CADM2: variants seen among roughly 807,000 people sequenced by gnomAD.
CADM2 encodes immunoglobulin superfamily member 4D.
CADM2 carries 12 observed loss-of-function variants against 49.8 expected under a neutral mutation model. The observed-to-expected ratio is 0.24, with a 90% CI of 0.15 to 0.39. The LOEUF is 0.39. CADM2 is among the 10% of genes least tolerant of loss of function. The probability of loss-of-function intolerance (pLI) is 1.00; values close to 1 mark genes in which losing one functional copy is unlikely to be tolerated. For missense variants in CADM2, 378 were observed against 492.3 expected (o/e 0.77, Z 2.20); for synonymous variants, 214 against 175.4 (o/e 1.22, Z -1.74).
intron 8 of CADM2, among the ~76,000 whole-genome samples, chr3:85,966,498 C>T (rs78926293): frequency 0.013 from 2,037 of 151,714 alleles, 29 homozygotes; most frequent in Non-Finnish European, 0.021. Context: ...CAATTCATCA[C>T]TCCTTTATTA....
rs1325070846 is a variant in CADM2, at chr3:86,072,061, CA to C, written c.*5281del. On this transcript the variant is annotated 3_prime_UTR_variant, in exon 10 of 10. Coordinates refer to ENST00000383699, the MANE Select transcript of CADM2 (RefSeq NM_001167675.2). ...CCTCATATAATGCACAGTATTGCCA[CA>C]AATGCCCACTTCATTTTGTCTGCAT... is the stretch of plus-strand genomic sequence containing the variant. 2.0e-5 allele frequency: 3 copies of C among 151,818 alleles called. No homozygotes were observed. Among genetic ancestry groups the C allele is most frequent in the Non-Finnish European group, 2.9e-5 (2 of 67,862 alleles). 9.4% of individuals were successfully genotyped at this position (151,818 alleles called of 1,614,324 possible).
rs953728266 is a variant in CADM2, at chr3:85,511,877, A to G, written c.62-214645A>G. 9 of 982,878 alleles carry G rather than the reference A, an allele frequency of 9.2e-6. No individual in the cohort carries two copies. In the African/African-American group the frequency reaches 1.0e-4, roughly 11 times the overall value. 60.9% of individuals were successfully genotyped at this position (982,878 alleles called of 1,614,324 possible). On this transcript the variant is annotated intron_variant, in intron 1 of 9. Transcript: ENST00000383699. ...TTTAGGTAAGCACATTAATCATTCC[A>G]GTGTAATCAGACTGCATCAAGGTAA...
At chr3:85,148,884 A>G (rs2039832323) in intron 1 of CADM2, among the ~76,000 whole-genome samples, 1 of 152,118 alleles carries the variant, frequency 6.6e-6, no homozygotes, top group African/African-American at 2.4e-5. Flanking sequence ...GAGGAGGAGA[A>G]AGAGGAGGGG....
chr3:85,532,153 G>A (rs2061328058), intron 1 of CADM2, among the ~76,000 whole-genome samples: 1 of 151,974 alleles, frequency 6.6e-6, no homozygotes, highest in East Asian at 2.0e-4. Flanking sequence ...CTCTAGCCTG[G>A]GCGACAGAGC....
intron 1 of CADM2, among the ~76,000 whole-genome samples, chr3:85,280,142 T>C (rs1200317892): frequency 6.6e-6 from 1 of 151,694 alleles, no homozygotes; most frequent in African/African-American, 2.4e-5. Context: ...CAACTTAACT[T>C]TAATCACATG....
intron 1 of CADM2, among the ~76,000 whole-genome samples, chr3:85,419,900 G>A (rs1175950725): frequency 6.6e-6 from 1 of 152,062 alleles, no homozygotes; most frequent in African/African-American, 2.4e-5. Context: ...TCCATCCACG[G>A]GCATTCTGAT....
chr3:85,785,358 G>A (rs1373849329), intron 2 of CADM2, among the ~76,000 whole-genome samples: 1 of 151,936 alleles, frequency 6.6e-6, no homozygotes, highest in East Asian at 1.9e-4. Flanking sequence ...TAGGAAATAA[G>A]ACAAATAAGT....
intron 1 of CADM2, among the ~76,000 whole-genome samples, chr3:85,647,434 T>A (rs2064921306): frequency 2.0e-5 from 3 of 151,618 alleles, no homozygotes; most frequent in African/African-American, 7.3e-5. Context: ...GCAAACTACT[T>A]AGAAGTTTTA....
intron 8 of CADM2, among the ~76,000 whole-genome samples, chr3:86,009,328 A>C (rs1254881677): frequency 1.3e-5 from 2 of 150,906 alleles, no homozygotes; most frequent in Admixed American, 6.6e-5. Context: ...AATTGTAAAA[A>C]ATATTTGTTT....
chr3:85,339,718 A>G (rs1559788040), intron 1 of CADM2, among the ~76,000 whole-genome samples: 1 of 151,590 alleles, frequency 6.6e-6, no homozygotes, highest in Non-Finnish European at 1.5e-5. Flanking sequence ...ACTGAAAGTC[A>G]AGATTACCAA....
chr3:85,333,683 C>G (rs1230914778), intron 1 of CADM2, among the ~76,000 whole-genome samples: 1 of 151,788 alleles, frequency 6.6e-6, no homozygotes, highest in African/African-American at 2.4e-5. Context: ...TTCACATGGC[C>G]TTCCAACATT....
At chr3:85,307,913 T>C (rs953466764) in intron 1 of CADM2, among the ~76,000 whole-genome samples, 17 of 150,992 alleles carry the variant, frequency 1.1e-4, no homozygotes, top group African/African-American at 4.1e-4. Context: ...GTACACATTT[T>C]TTCCAAAACT....
At chr3:85,206,851 TGAA>T (rs1192675669) in intron 1 of CADM2, among the ~76,000 whole-genome samples, 8 of 152,112 alleles carry the variant, frequency 5.3e-5, no homozygotes, top group Admixed American at 2.0e-4. Flanking sequence ...CTAAGAAAGA[TGAA>T]GAACTTGTAT....
chr3:85,755,909 A>G (rs1404039279), intron 2 of CADM2, among the ~76,000 whole-genome samples: 1 of 152,140 alleles, frequency 6.6e-6, no homozygotes, highest in East Asian at 1.9e-4. Context: ...TGGCCACTTG[A>G]TTAAACTCAA....
At chr3:85,317,625 G>A (rs1190314844) in intron 1 of CADM2, among the ~76,000 whole-genome samples, 8 of 152,092 alleles carry the variant, frequency 5.3e-5, no homozygotes, top group Non-Finnish European at 1.0e-4. Context: ...TTTCTCACAG[G>A]GCAGAAGAAG....
At chr3:84,992,632 A>G (rs1207685232) in intron 1 of CADM2, among the ~76,000 whole-genome samples, 2 of 152,192 alleles carry the variant, frequency 1.3e-5, no homozygotes, top group African/African-American at 4.8e-5. Flanking sequence ...CTTCTCAACA[A>G]CAACACAAAA....
At chr3:85,100,951 G>A (rs2037987477) in intron 1 of CADM2, among the ~76,000 whole-genome samples, 1 of 151,996 alleles carries the variant, frequency 6.6e-6, no homozygotes, top group Admixed American at 6.6e-5. Flanking sequence ...CAAAGAATAA[G>A]ATGTCATACA....
chr3:85,426,785 A>G (rs906185081), intron 1 of CADM2, among the ~76,000 whole-genome samples: 1 of 152,164 alleles, frequency 6.6e-6, no homozygotes, highest in African/African-American at 2.4e-5. Context: ...GTCTGGGAAA[A>G]GATCCAGAAC....
At chr3:85,729,782 T>C (rs1449415289) in intron 2 of CADM2, among the ~76,000 whole-genome samples, 1 of 152,100 alleles carries the variant, frequency 6.6e-6, no homozygotes, top group Non-Finnish European at 1.5e-5. Context: ...AGGTTTCTCT[T>C]GCTTAGAATC....
Sources: gnomAD v4.1 joint callset for allele counts (sites outside exome capture counted in the v4.1 genomes callset) on GRCh38, gnomAD v4.1.1 for gene constraint, MANE v1.5 for transcripts, NCBI Gene and HGNC (gene_info 2026-07-23, HGNC 2026-07-21) for gene names.